The following SLC37A1 variants were observed in gnomAD, a reference collection of about 807,000 sequenced individuals.
SLC37A1 encodes glucose-6-phosphate exchanger SLC37A1.
A neutral mutation model predicts 75.3 loss-of-function variants in SLC37A1; 49 were observed. That is an observed-to-expected ratio of 0.65 (90% CI 0.52 to 0.83). The LOEUF (loss-of-function observed/expected upper bound fraction) is 0.83, where lower values mean the gene tolerates loss of function less well. Among genes scored for constraint, SLC37A1 ranks in the 40% least tolerant of loss-of-function variants. The pLI is 0.00. For synonymous variants in SLC37A1, 268 were observed against 292.1 expected (o/e 0.92, Z 0.84); for missense variants, 566 against 695.0 (o/e 0.81, Z 2.09).
chr21:42,572,695 T>TAAAAAAAAAA (rs1421400961), intron 17 of SLC37A1, among the ~76,000 whole-genome samples: 40 of 132,298 alleles, frequency 3.0e-4, no homozygotes, highest in Non-Finnish European at 4.4e-4. Flanking sequence ...AAAAAAAGAG[T>TAAAAAAAAAA]GTGTCCTGAG....
chr21:42,508,897 G>A (rs1183001632), upstream of SLC37A1, among the ~76,000 whole-genome samples: 2 of 152,150 alleles, frequency 1.3e-5, no homozygotes, highest in African/African-American at 2.4e-5. Context: ...CCTTATAAAT[G>A]GGTGTTTGTC....
rs2056414925 is a variant in SLC37A1 at position 42,581,169 on chromosome 21, C to T, written c.*809C>T. 6.5e-6 allele frequency: 1 copy of T among 152,706 alleles called. No individual in the cohort carries two copies. Among genetic ancestry groups the T allele is most frequent in the Admixed American group, 6.5e-5 (1 of 15,288 alleles). 9.5% of individuals were successfully genotyped at this position (152,706 alleles called of 1,614,324 possible). On this transcript the variant is annotated 3_prime_UTR_variant, in exon 20 of 20. Coordinates refer to ENST00000352133, the MANE Select transcript of SLC37A1 (RefSeq NM_001320537.2). ...GTTTGGGAAGCGGTCTCCCCACCGG[C>T]ACTGGGATTGGCGGGTCCAAGCCCA...
At chr21:42,517,651 C>T (rs146671458) in intron 1 of SLC37A1, among the ~76,000 whole-genome samples, 1 of 152,156 alleles carries the variant, frequency 6.6e-6, no homozygotes, top group Non-Finnish European at 1.5e-5. Flanking sequence ...TCTGGCCTCC[C>T]TCCCCATTCC....
In SLC37A1 at chr21:42,581,420, T is replaced by TA. The variant is rs899518816; in HGVS notation, c.*1066dup. On this transcript the variant is annotated 3_prime_UTR_variant, in exon 20 of 20. Coordinates refer to ENST00000352133, the MANE Select transcript of SLC37A1 (RefSeq NM_001320537.2). ...CCCTTTGAAATAAAATGTTTTTGTT[T>TA]AAAAAATCTCAGAACACTCAGAGAA... The TA allele has an allele frequency of 7.2e-5, 11 of 152,630 alleles. No homozygotes were observed. The highest frequency in any genetic ancestry group is 1.9e-4 in the African/African-American group (8 of 41,462). The allele number at this position is 152,630 out of a possible 1,614,324, so 9.5% of individuals were successfully genotyped here. A position where few individuals can be genotyped will look rare whatever the true frequency, so the allele number is the denominator to read the frequency against.
At chr21:42,572,691 AGAGT>A (rs1391620871) in intron 17 of SLC37A1, among the ~76,000 whole-genome samples, 1 of 126,960 alleles carries the variant, frequency 7.9e-6, no homozygotes, top group Non-Finnish European at 1.9e-5. Context: ...AAAAAAAAAA[AGAGT>A]GTGTCCTGAG....
chr21:42,518,337 C>T lies in SLC37A1; in HGVS notation c.-118C>T. On this transcript the variant is annotated 5_prime_UTR_variant, in exon 2 of 20. Coordinates refer to ENST00000352133, the MANE Select transcript of SLC37A1 (RefSeq NM_001320537.2). The stretch of plus-strand genomic sequence containing the variant: ...CCCAGCAGGACACCTTCTTTCCACG[C>T]TTTCCAGCCTGTGGGAGCGGCAGGG... 2 of 1,335,578 alleles carry T rather than the reference C, an allele frequency of 1.5e-6. No homozygotes were observed. Among genetic ancestry groups the T allele is most frequent in the Non-Finnish European group, 2.1e-6 (2 of 933,796 alleles). 82.7% of individuals were successfully genotyped at this position (1,335,578 alleles called of 1,614,324 possible). A position where few individuals can be genotyped will look rare whatever the true frequency, so the allele number is the denominator to read the frequency against.
At chr21:42,577,566 A>G (rs2056335314) in intron 18 of SLC37A1, among the ~76,000 whole-genome samples, 1 of 152,250 alleles carries the variant, frequency 6.6e-6, no homozygotes, top group Non-Finnish European at 1.5e-5. Flanking sequence ...TGTCAAGCCA[A>G]TAGCAATAGA....
In SLC37A1 at chr21:42,564,717, T is replaced by C; in HGVS notation, c.1145T>C (p.Leu382Pro). The stretch of plus-strand genomic sequence containing the variant: ...CGCCTCTCCGTTGCAGGTGGGATCC[T>C]GGCAGGTGTGATCTCAGACCGACTG... ...FDVGGIFGGI[L>P]AGVISDRLEK... Residue 382 changes from leucine to proline, a missense_variant, in exon 14 of 20, where the codon CTG becomes CCG. Physicochemically the swap from Leu to Pro is moderately conservative, Grantham distance 98 (BLOSUM62 -3). Transcript: ENST00000352133. 6.2e-7 allele frequency: 1 copy of C among 1,611,428 alleles called. No individual in the cohort carries two copies.
intron 2 of SLC37A1, among the ~76,000 whole-genome samples, chr21:42,520,191 A>T (rs891186761): frequency 6.6e-6 from 1 of 152,228 alleles, no homozygotes; most frequent in African/African-American, 2.4e-5. Context: ...TCCATGTTAA[A>T]AACAATATCA....
At chr21:42,562,034 T>C (rs1364248222) in intron 11 of SLC37A1, 44 bp from the exon 12 acceptor site, 2 of 1,485,682 alleles carry the variant, frequency 1.3e-6, no homozygotes, top group African/African-American at 2.8e-5. Context: ...ACACACCTGC[T>C]GACTCCACAT....
rs371261619 is a variant in SLC37A1 at position 42,562,218 on chromosome 21, C to T, written c.1072+50C>T. Reference sequence around the variant, plus strand: ...TAAATTCCGCACAGTGACTGGGGTCCGAAGTCTCTTCTGTCTGCTGGTTTC... The same window carrying T: ...TAAATTCCGCACAGTGACTGGGGTCTGAAGTCTCTTCTGTCTGCTGGTTTC... On this transcript the variant is annotated intron_variant, in intron 12 of 19. Transcript: ENST00000352133. 2.5e-5 allele frequency: 38 copies of T among 1,520,462 alleles called. No homozygotes were observed. In the South Asian group the frequency reaches 3.3e-4, roughly 13 times the overall value. 94.2% of individuals were successfully genotyped at this position (1,520,462 alleles called of 1,614,324 possible).
At chr21:42,575,094 A>G in intron 18 of SLC37A1, 179 bp downstream of exon 18, 1 of 985,486 alleles carries the variant, frequency 1.0e-6, no homozygotes, top group Non-Finnish European at 1.2e-6. Context: ...AAAAAGTCAG[A>G]AACAGAAGCA....
intron 2 of SLC37A1, among the ~76,000 whole-genome samples, chr21:42,521,803 A>C (rs2054656861): frequency 6.6e-6 from 1 of 152,276 alleles, no homozygotes; most frequent in Non-Finnish European, 1.5e-5. Context: ...TATATTCATA[A>C]GTCTAAACAT....
rs1028110365 is a variant in SLC37A1 at position 42,548,251 on chromosome 21, G to A, written c.768+1111G>A. ...GTCGAGTCACCATGCTGTCCCCAGA[G>A]TGACCCACCCCTGAGCTCCGCAATC... is the stretch of plus-strand genomic sequence containing the variant. On this transcript the variant is annotated intron_variant, in intron 9 of 19. Coordinates refer to ENST00000352133, the MANE Select transcript of SLC37A1 (RefSeq NM_001320537.2). This position sits in a 1 kb window ranked among gnomAD's most constrained non-coding sequence, Gnocchi z 5.6. Among the ~76,000 whole-genome samples, 6 of 152,130 alleles carry A rather than the reference G, an allele frequency of 3.9e-5. No homozygotes were observed. Among genetic ancestry groups the A allele is most frequent in the African/African-American group, 1.4e-4 (6 of 41,418 alleles).
chr21:42,528,636 G>A (rs1365526380), intron 3 of SLC37A1, among the ~76,000 whole-genome samples: 1 of 152,052 alleles, frequency 6.6e-6, no homozygotes, highest in East Asian at 1.9e-4. Flanking sequence ...GACCAAACTG[G>A]CCAACATAGT....
intron 3 of SLC37A1, among the ~76,000 whole-genome samples, chr21:42,530,629 CACACACACACACACACACACACA>C (rs1396789597): frequency 3.0e-5 from 3 of 99,784 alleles, no homozygotes; most frequent in Non-Finnish European, 6.9e-5. Context: ...CACACACACA[CACACACACACACACACACACACA>C]CACCCCCTCT....
chr21:42,559,683 C>T (rs1044490230), intron 11 of SLC37A1, among the ~76,000 whole-genome samples: 1 of 152,224 alleles, frequency 6.6e-6, no homozygotes, highest in African/African-American at 2.4e-5. Flanking sequence ...CAAAACCAGC[C>T]TGGCCAACAT....
intron 9 of SLC37A1, among the ~76,000 whole-genome samples, chr21:42,549,914 C>T (rs2055515106): frequency 6.6e-6 from 1 of 152,168 alleles, no homozygotes; most frequent in Admixed American, 6.5e-5. Context: ...GCATAACGAA[C>T]CCCTGTGTAC....
intron 6 of SLC37A1, among the ~76,000 whole-genome samples, chr21:42,541,618 T>C (rs1199112869): frequency 6.6e-6 from 1 of 152,232 alleles, no homozygotes; most frequent in East Asian, 1.9e-4. Context: ...TTCCAGAGAA[T>C]GATTAACAAC....
Sources: allele counts gnomAD v4.1 joint callset (sites outside exome capture counted in the v4.1 genomes callset), GRCh38; gene constraint gnomAD v4.1.1; non-coding constraint Gnocchi (gnomAD v3.1); transcripts MANE v1.5; gene names NCBI Gene and HGNC (gene_info 2026-07-23, HGNC 2026-07-21).